Variants in CCSER1 observed in about 807,000 individuals in gnomAD.
CCSER1 encodes the protein coiled-coil serine rich protein 1, also known as serine-rich coiled-coil domain-containing protein 1.
CCSER1 carries 41 observed loss-of-function variants against 82.0 expected under a neutral mutation model. The observed-to-expected ratio is 0.50, with a 90% CI of 0.39 to 0.65. The LOEUF (loss-of-function observed/expected upper bound fraction) is 0.65. CCSER1 is among the 30% of genes least tolerant of loss of function. The probability of loss-of-function intolerance (pLI) is 0.00; values close to 1 mark genes in which losing one functional copy is unlikely to be tolerated. For missense variants in CCSER1, 1,119 were observed against 1,064.2 expected (o/e 1.05, Z -0.72); for synonymous variants, 414 against 383.9 (o/e 1.08, Z -0.92).
At chr4:91,151,410 C>CA (rs1161029043) in intron 10 of CCSER1, among the ~76,000 whole-genome samples, 2 of 151,948 alleles carry the variant, frequency 1.3e-5, no homozygotes, top group African/African-American at 2.4e-5. Flanking sequence ...TTGATCTTTT[C>CA]AAAAAACCAG....
chr4:91,524,475 A>G (rs1206564249), intron 10 of CCSER1, among the ~76,000 whole-genome samples: 2 of 152,216 alleles, frequency 1.3e-5, no homozygotes, highest in Non-Finnish European at 2.9e-5. Flanking sequence ...CCTAGCATGT[A>G]CTGAACATCT....
At chr4:90,176,892 G>T (rs1227498719) in intron 1 of CCSER1, among the ~76,000 whole-genome samples, 1 of 151,986 alleles carries the variant, frequency 6.6e-6, no homozygotes, top group Non-Finnish European at 1.5e-5. Flanking sequence ...GATTAGTTAG[G>T]CTGTTGCAAG....
intron 4 of CCSER1, among the ~76,000 whole-genome samples, chr4:90,461,535 TTCTTGTG>T (rs1480383929): frequency 2.0e-5 from 3 of 152,188 alleles, no homozygotes; most frequent in South Asian, 2.1e-4. Flanking sequence ...CTTCCTTAAC[TTCTTGTG>T]TCTTGTGTCT....
chr4:90,460,621 C>T (rs76633149), intron 4 of CCSER1, among the ~76,000 whole-genome samples: 1,820 of 152,116 alleles, frequency 0.012, 21 homozygotes, highest in Middle Eastern at 0.031. Context: ...GACAGTTTTA[C>T]GCAATTCCTT....
chr4:90,357,114 A>G (rs188823017), intron 3 of CCSER1, among the ~76,000 whole-genome samples: 396 of 152,088 alleles, frequency 2.6e-3, no homozygotes, highest in African/African-American at 9.0e-3. Flanking sequence ...TGGCCTTTTT[A>G]TCATGCAACC....
intron 10 of CCSER1, among the ~76,000 whole-genome samples, chr4:91,337,080 TGTTA>T (rs1352211048): frequency 7.2e-5 from 11 of 152,100 alleles, no homozygotes; most frequent in Non-Finnish European, 4.4e-5. Context: ...ATATAACAGA[TGTTA>T]GTTTATCCAA....
At chr4:91,416,631 C>T (rs564199688) in intron 10 of CCSER1, among the ~76,000 whole-genome samples, 22 of 152,002 alleles carry the variant, frequency 1.4e-4, no homozygotes, top group African/African-American at 4.6e-4. Context: ...TAAGTGGTGC[C>T]GGGAGAACTG....
intron 7 of CCSER1, among the ~76,000 whole-genome samples, chr4:90,730,714 G>T (rs1744548868): frequency 6.6e-6 from 1 of 152,124 alleles, no homozygotes; most frequent in African/African-American, 2.4e-5. Context: ...GAACATTTTA[G>T]TAGAGACCAT....
chr4:90,400,200 A>G, intron 4 of CCSER1, 71 bp downstream of exon 4: 5 of 772,576 alleles, frequency 6.5e-6, no homozygotes. Flanking sequence ...GATAGCCTAA[A>G]CACTGTTAAG....
At chr4:91,106,740 T>C (rs575227446) in intron 10 of CCSER1, among the ~76,000 whole-genome samples, 2 of 152,340 alleles carry the variant, frequency 1.3e-5, no homozygotes, top group South Asian at 2.1e-4. Context: ...TCCACACCAC[T>C]GTACTCTGTG....
intron 10 of CCSER1, among the ~76,000 whole-genome samples, chr4:91,372,776 C>G (rs1317952773): frequency 6.6e-6 from 1 of 151,942 alleles, no homozygotes; most frequent in East Asian, 1.9e-4. Flanking sequence ...GTAGCGGGTG[C>G]ACATGAATAA....
intron 1 of CCSER1, among the ~76,000 whole-genome samples, chr4:90,202,048 G>A (rs1325933302): frequency 2.6e-5 from 4 of 152,134 alleles, no homozygotes; most frequent in Non-Finnish European, 5.9e-5. Flanking sequence ...TATTTCCAAA[G>A]AGGTATTAAT....
intron 9 of CCSER1, among the ~76,000 whole-genome samples, chr4:91,076,457 C>T (rs997010092): frequency 2.0e-5 from 3 of 151,732 alleles, no homozygotes; most frequent in Non-Finnish European, 2.9e-5. Context: ...GTATGTAATA[C>T]ATTAAACATT....
intron 10 of CCSER1, among the ~76,000 whole-genome samples, chr4:91,228,766 C>T (rs1379038002): frequency 6.6e-6 from 1 of 151,974 alleles, no homozygotes; most frequent in Non-Finnish European, 1.5e-5. Context: ...AAAATATTTA[C>T]AAATATGTAT....
intron 1 of CCSER1, among the ~76,000 whole-genome samples, chr4:90,198,709 A>G (rs1737067356): frequency 1.3e-5 from 2 of 152,128 alleles, no homozygotes; most frequent in Non-Finnish European, 2.9e-5. Flanking sequence ...TTTCAAATCA[A>G]TTTTGTAAGA....
intron 9 of CCSER1, among the ~76,000 whole-genome samples, chr4:91,066,109 G>T (rs143913169): frequency 7.9e-5 from 12 of 152,078 alleles, no homozygotes; most frequent in Non-Finnish European, 1.5e-5. Flanking sequence ...TGCTTGAGAT[G>T]GTATTAGAAA....
intron 6 of CCSER1, among the ~76,000 whole-genome samples, chr4:90,657,079 T>A (rs1369903630): frequency 6.6e-6 from 1 of 152,120 alleles, no homozygotes; most frequent in Non-Finnish European, 1.5e-5. Context: ...CTGGGATTAT[T>A]GTCTTAATTT....
intron 6 of CCSER1, among the ~76,000 whole-genome samples, chr4:90,696,701 G>GT (rs1196558847): frequency 6.6e-6 from 1 of 152,088 alleles, no homozygotes; most frequent in Non-Finnish European, 1.5e-5. Context: ...TGCCAACTCT[G>GT]TTTTTAATAG....
At chr4:90,706,460 TAATTAA>T (rs541891218) in intron 6 of CCSER1, among the ~76,000 whole-genome samples, 6 of 152,056 alleles carry the variant, frequency 3.9e-5, no homozygotes, top group Non-Finnish European at 7.3e-5. Flanking sequence ...GTCAATTAAT[TAATTAA>T]AATTAAGATT....
Sources: gnomAD v4.1 joint callset for allele counts (sites outside exome capture counted in the v4.1 genomes callset) on GRCh38, gnomAD v4.1.1 for gene constraint, MANE v1.5 for transcripts, NCBI Gene and HGNC (gene_info 2026-07-23, HGNC 2026-07-21) for gene names.